Variants in MAML2 observed in about 807,000 individuals in gnomAD.
MAML2 encodes the protein mastermind like transcriptional coactivator 2.
A neutral mutation model predicts 96.1 loss-of-function variants in MAML2; 22 were observed. That is an observed-to-expected ratio of 0.23 (90% CI 0.16 to 0.33). MAML2 has a LOEUF of 0.33. Ranked by LOEUF, MAML2 falls within the 10% of genes least tolerant of loss-of-function variation. MAML2 has a pLI of 1.00. For synonymous variants in MAML2, 561 were observed against 521.3 expected (o/e 1.08, Z -1.04); for missense variants, 1,367 against 1,392.4 (o/e 0.98, Z 0.29).
intron 2 of MAML2, among the ~76,000 whole-genome samples, chr11:96,008,468 A>G (rs1858220628): frequency 6.6e-6 from 1 of 152,218 alleles, no homozygotes; most frequent in Non-Finnish European, 1.5e-5. Flanking sequence ...GGACTGGAAC[A>G]ACTTTTCAGC....
intron 1 of MAML2, among the ~76,000 whole-genome samples, chr11:96,241,486 G>T (rs1337271166): frequency 6.6e-5 from 10 of 152,216 alleles, no homozygotes; most frequent in Non-Finnish European, 1.2e-4. Flanking sequence ...GGAGGGAGGG[G>T]TCTACTGGCA....
At chr11:95,999,095 A>C (rs1858042084) in intron 2 of MAML2, among the ~76,000 whole-genome samples, 1 of 152,200 alleles carries the variant, frequency 6.6e-6, no homozygotes, top group Non-Finnish European at 1.5e-5. Flanking sequence ...AAAATTAAGA[A>C]CAAACCTCAC....
intron 2 of MAML2, among the ~76,000 whole-genome samples, chr11:96,023,101 A>G (rs1762175083): frequency 6.6e-6 from 1 of 152,216 alleles, no homozygotes; most frequent in South Asian, 2.1e-4. Flanking sequence ...AGAAGTTAGA[A>G]GAGGATGAAG....
At chr11:96,326,846 A>C (rs1489059416) in intron 1 of MAML2, among the ~76,000 whole-genome samples, 1 of 152,152 alleles carries the variant, frequency 6.6e-6, no homozygotes, top group Admixed American at 6.5e-5. Context: ...TCATTGACTT[A>C]ACAAATATTT....
intron 1 of MAML2, among the ~76,000 whole-genome samples, chr11:96,287,634 G>A (rs1427456019): frequency 6.6e-6 from 1 of 152,124 alleles, no homozygotes; most frequent in Non-Finnish European, 1.5e-5. Context: ...ATTTATTTGA[G>A]AATCATCATG....
In MAML2 at chr11:95,978,144, T is replaced by C; in HGVS notation, c.*804A>G. 1 of 212,864 alleles carries C rather than the reference T, an allele frequency of 4.7e-6. No homozygotes were observed. Among genetic ancestry groups the C allele is most frequent in the East Asian group, 7.1e-5 (1 of 14,144 alleles). The allele number at this position is 212,864 out of a possible 1,614,324, so 13.2% of individuals were successfully genotyped here. ...TTATAGCAATGTCCACTGGGTTTTT[T>C]AAAAAAGTGAAATCTAATGCAGAGA... On this transcript the variant is annotated 3_prime_UTR_variant, in exon 5 of 5. Coordinates refer to ENST00000524717, the MANE Select transcript of MAML2 (RefSeq NM_032427.4).
At chr11:96,255,411 T>C (rs933045334) in intron 1 of MAML2, among the ~76,000 whole-genome samples, 1 of 152,246 alleles carries the variant, frequency 6.6e-6, no homozygotes, top group Non-Finnish European at 1.5e-5. Context: ...TTGAGTTACT[T>C]GCCTAAGATT....
At chr11:96,151,095 C>G (rs1860913843) in intron 1 of MAML2, among the ~76,000 whole-genome samples, 1 of 152,210 alleles carries the variant, frequency 6.6e-6, no homozygotes, top group Non-Finnish European at 1.5e-5. Flanking sequence ...CTGTTGCTCA[C>G]TGGTGCCTGC....
At chr11:96,001,222 G>C (rs1225880869) in intron 2 of MAML2, among the ~76,000 whole-genome samples, 1 of 152,150 alleles carries the variant, frequency 6.6e-6, no homozygotes, top group African/African-American at 2.4e-5. Context: ...CACGTATTAC[G>C]GGTTGGCACA....
intron 4 of MAML2, among the ~76,000 whole-genome samples, chr11:95,981,124 T>A (rs775872303): frequency 5.3e-5 from 8 of 152,208 alleles, no homozygotes; most frequent in Non-Finnish European, 7.3e-5. Flanking sequence ...CTCACTTTGC[T>A]GAGAGTTATT....
intron 2 of MAML2, among the ~76,000 whole-genome samples, chr11:96,024,403 T>A (rs868293621): frequency 6.6e-6 from 1 of 152,222 alleles, no homozygotes; most frequent in Non-Finnish European, 1.5e-5. Flanking sequence ...TTAAAACAGA[T>A]CTTGCATATG....
intron 1 of MAML2, among the ~76,000 whole-genome samples, chr11:96,216,906 C>CAA (rs1862058179): frequency 2.0e-5 from 3 of 152,064 alleles, no homozygotes; most frequent in African/African-American, 7.2e-5. Context: ...CACCAGGAGA[C>CAA]AAAGGGCAGG....
chr11:96,305,291 T>C (rs943648999), intron 1 of MAML2, among the ~76,000 whole-genome samples: 2 of 152,196 alleles, frequency 1.3e-5, no homozygotes. Flanking sequence ...CATTATTATA[T>C]ATTTATCAGA....
At chr11:96,157,811 AG>A (rs1861036612) in intron 1 of MAML2, among the ~76,000 whole-genome samples, 2 of 152,348 alleles carry the variant, frequency 1.3e-5, no homozygotes, top group South Asian at 4.1e-4. Flanking sequence ...CCAAATAAAA[AG>A]GTTGGGAACT....
chr11:96,175,860 C>A (rs1018114644), intron 1 of MAML2, among the ~76,000 whole-genome samples: 9 of 152,124 alleles, frequency 5.9e-5, no homozygotes, highest in Non-Finnish European at 1.2e-4. Context: ...CCTCTGCCTC[C>A]CAAAGTGCTG....
intron 2 of MAML2, among the ~76,000 whole-genome samples, chr11:96,027,674 C>A (rs757708044): frequency 3.3e-5 from 5 of 152,130 alleles, no homozygotes; most frequent in Non-Finnish European, 5.9e-5. Flanking sequence ...GAGCGAGAGG[C>A]AGAGACACAA....
At chr11:96,063,068 C>T (rs1030910753) in intron 2 of MAML2, among the ~76,000 whole-genome samples, 2 of 141,042 alleles carry the variant, frequency 1.4e-5, no homozygotes, top group South Asian at 2.4e-4. Flanking sequence ...TCTCAGTCCA[C>T]CCCTCTGTCC....
intron 1 of MAML2, among the ~76,000 whole-genome samples, chr11:96,158,601 T>C (rs559147850): frequency 5.9e-5 from 9 of 152,314 alleles, no homozygotes; most frequent in Admixed American, 3.3e-4. Flanking sequence ...TCCTAATTTA[T>C]ATATGAAGTC....
chr11:96,254,315 G>A (rs1862630996), intron 1 of MAML2, among the ~76,000 whole-genome samples: 1 of 151,446 alleles, frequency 6.6e-6, no homozygotes. Context: ...AAACACACTC[G>A]CTTCTAAAAA....
Sources: gnomAD v4.1 joint callset for allele counts (sites outside exome capture counted in the v4.1 genomes callset) on GRCh38, gnomAD v4.1.1 for gene constraint, MANE v1.5 for transcripts, NCBI Gene and HGNC (gene_info 2026-07-23, HGNC 2026-07-21) for gene names.